The following PSMG2 variants were observed in gnomAD, a reference collection of about 807,000 sequenced individuals.
PSMG2 encodes proteasome assembly chaperone 2.
Under a neutral mutation model 31.5 loss-of-function variants are expected in PSMG2, and 21 were observed. That is an observed-to-expected ratio of 0.67 (90% CI 0.47 to 0.96). PSMG2 has a LOEUF of 0.96. PSMG2 is among the 40% of genes least tolerant of loss of function. The probability of loss-of-function intolerance (pLI) is 0.00; values close to 1 mark genes in which losing one functional copy is unlikely to be tolerated. For synonymous variants in PSMG2, 120 were observed against 110.4 expected (o/e 1.09, Z -0.54); for missense variants, 318 against 321.2 (o/e 0.99, Z 0.08).
chr18:12,700,966 A>C (rs2040130701), upstream of PSMG2: 1 of 1,612,834 alleles, frequency 6.2e-7, no homozygotes, highest in Admixed American at 1.7e-5. Context: ...ACAGTAACAA[A>C]ATTAAGTTCT....
chr18:12,715,897 C>T (rs1232555303), intron 3 of PSMG2, among the ~76,000 whole-genome samples: 1 of 152,204 alleles, frequency 6.6e-6, no homozygotes, highest in East Asian at 1.9e-4. Context: ...GCAGTAAACC[C>T]TCTGTGAAAC....
intron 2 of PSMG2, among the ~76,000 whole-genome samples, chr18:12,707,018 C>T (rs1230310846): frequency 6.6e-6 from 1 of 152,084 alleles, no homozygotes; most frequent in Non-Finnish European, 1.5e-5. Context: ...TGCAGTGACG[C>T]GATCTCCGCT....
intron 2 of PSMG2, 115 bp downstream of exon 2, chr18:12,706,836 G>A (rs1001571818): frequency 1.5e-5 from 16 of 1,096,708 alleles, no homozygotes; most frequent in African/African-American, 3.2e-5. Flanking sequence ...CCAACTTTGT[G>A]TAGAGTTCAC....
intron 1 of PSMG2, among the ~76,000 whole-genome samples, chr18:12,694,634 G>A (rs1467423527): frequency 2.0e-5 from 3 of 151,930 alleles, no homozygotes; most frequent in South Asian, 2.1e-4. Context: ...AAACGCCTGC[G>A]AAAGAACGTT....
At chr18:12,676,951 G>C (rs565126044) in intron 1 of PSMG2, among the ~76,000 whole-genome samples, 1 of 152,268 alleles carries the variant, frequency 6.6e-6, no homozygotes, top group East Asian at 1.9e-4. Flanking sequence ...AGGTGAATCA[G>C]AAATATTTTG....
At chr18:12,710,005 C>T (rs866227422) in intron 2 of PSMG2, among the ~76,000 whole-genome samples, 21 of 148,328 alleles carry the variant, frequency 1.4e-4, no homozygotes, top group African/African-American at 5.0e-4. Context: ...TGCGGTGGCA[C>T]GATCTCGGCT....
chr18:12,669,605 C>T (rs1035970458), intron 1 of PSMG2, among the ~76,000 whole-genome samples: 1 of 152,128 alleles, frequency 6.6e-6, no homozygotes, highest in Admixed American at 6.6e-5. Flanking sequence ...TACATATTGT[C>T]AAGAACACCA....
At position 12,703,093 on chromosome 18, in the gene PSMG2, C is replaced by T. The variant is rs1157459161; in HGVS notation, c.-15C>T. On this transcript the variant is annotated 5_prime_UTR_variant, in exon 1 of 7. Coordinates refer to ENST00000317615, the MANE Select transcript of PSMG2 (RefSeq NM_020232.5). ...AGGGCCGCGGTTAGTCCCTGCTGGCCACCCCACTGCGACCATGTTCGTTCC... is the reference window on the plus strand; with the variant it reads ...AGGGCCGCGGTTAGTCCCTGCTGGCTACCCCACTGCGACCATGTTCGTTCC... 3.7e-6 allele frequency: 6 copies of T among 1,611,444 alleles called. No individual in the cohort carries two copies. The highest frequency in any genetic ancestry group is 4.5e-5 in the East Asian group (2 of 44,794).
upstream of PSMG2, among the ~76,000 whole-genome samples, chr18:12,698,097 GAAA>G (rs1034862654): frequency 1.3e-5 from 2 of 149,762 alleles, no homozygotes; most frequent in Admixed American, 1.3e-4. Flanking sequence ...GGAGAAATAA[GAAA>G]AAAAAGAAAA....
upstream of PSMG2, chr18:12,702,644 C>G: frequency 7.3e-7 from 1 of 1,373,634 alleles, no homozygotes; most frequent in South Asian, 1.3e-5. Context: ...GCGACTGGAG[C>G]ACAAAGCGCC....
intron 1 of PSMG2, chr18:12,691,427 G>A: frequency 6.2e-7 from 1 of 1,608,848 alleles, no homozygotes; most frequent in South Asian, 1.1e-5. Context: ...CTCCACCACT[G>A]CTTAGCATAT....
intron 1 of PSMG2, among the ~76,000 whole-genome samples, chr18:12,687,975 G>A (rs992213315): frequency 2.0e-5 from 3 of 151,882 alleles, no homozygotes; most frequent in African/African-American, 7.3e-5. Flanking sequence ...TGGGCACGGT[G>A]GCTCACGCCT....
intron 2 of PSMG2, among the ~76,000 whole-genome samples, chr18:12,710,086 A>T (rs2040314254): frequency 6.6e-6 from 1 of 151,500 alleles, no homozygotes; most frequent in African/African-American, 2.4e-5. Flanking sequence ...GGGACTACAG[A>T]CACCCGCCAT....
intron 2 of PSMG2, among the ~76,000 whole-genome samples, chr18:12,712,018 A>C (rs953071752): frequency 6.6e-6 from 1 of 152,070 alleles, no homozygotes; most frequent in African/African-American, 2.4e-5. Context: ...CAGCCTCCCA[A>C]GGTGCTGGGA....
chr18:12,667,131 A>G (rs981353232), intron 1 of PSMG2, among the ~76,000 whole-genome samples: 4 of 152,214 alleles, frequency 2.6e-5, no homozygotes, highest in African/African-American at 9.6e-5. Context: ...AAATAGTGAT[A>G]AAAATCATTA....
intron 1 of PSMG2, among the ~76,000 whole-genome samples, chr18:12,674,198 AG>A (rs1190978271): frequency 6.6e-6 from 1 of 152,046 alleles, no homozygotes; most frequent in Non-Finnish European, 1.5e-5. Context: ...GCAATTTGGG[AG>A]GCTGAGGTGG....
intron 5 of PSMG2, among the ~76,000 whole-genome samples, chr18:12,722,747 C>T (rs1340478721): frequency 1.3e-5 from 2 of 152,204 alleles, no homozygotes; most frequent in Non-Finnish European, 2.9e-5. Flanking sequence ...TCATCCTCTG[C>T]CTTTCTTTTT....
intron 3 of PSMG2, among the ~76,000 whole-genome samples, chr18:12,713,397 A>C (rs2145142063): frequency 6.6e-6 from 1 of 152,312 alleles, no homozygotes; most frequent in Admixed American, 6.5e-5. Context: ...AGGAGACAGG[A>C]GTCGACCTCA....
At chr18:12,714,384 TC>T (rs542924651) in intron 3 of PSMG2, among the ~76,000 whole-genome samples, 12 of 152,220 alleles carry the variant, frequency 7.9e-5, no homozygotes, top group Non-Finnish European at 1.5e-4. Context: ...CACTAGCTTC[TC>T]TGCCGAAATT....
Sources: gnomAD v4.1 joint callset for allele counts (sites outside exome capture counted in the v4.1 genomes callset) on GRCh38, gnomAD v4.1.1 for gene constraint, MANE v1.5 for transcripts, NCBI Gene and HGNC (gene_info 2026-07-23, HGNC 2026-07-21) for gene names.